Variants in AP1B1 observed in about 807,000 individuals in gnomAD.
AP1B1 encodes the protein adaptor related protein complex 1 subunit beta 1.
Under a neutral mutation model 104.3 loss-of-function variants are expected in AP1B1, and 36 were observed. The ratio of observed to expected loss-of-function variants is 0.35; its 90% CI spans 0.26 to 0.46. The LOEUF (loss-of-function observed/expected upper bound fraction) is 0.46, where lower values mean the gene tolerates loss of function less well. AP1B1 is among the 20% of genes least tolerant of loss of function. AP1B1 has a pLI of 1.00. For missense variants in AP1B1, 901 were observed against 1,247.9 expected (o/e 0.72, Z 4.19); for synonymous variants, 504 against 517.5 (o/e 0.97, Z 0.35).
At chr22:29,330,750 A>G (rs1296268786) in intron 19 of AP1B1, 41 bp from the exon 20 acceptor site, 1 of 1,559,880 alleles carries the variant, frequency 6.4e-7, no homozygotes, top group Non-Finnish European at 8.7e-7. Flanking sequence ...CGAGCCCCTC[A>G]TAAACCTGTG....
intron 16 of AP1B1, among the ~76,000 whole-genome samples, chr22:29,337,749 C>G (rs113875251): frequency 0.034 from 5,142 of 152,260 alleles, 272 homozygotes; most frequent in African/African-American, 0.12. Context: ...CCCTCAGCCC[C>G]GGCTCCTCCC....
intron 4 of AP1B1, 86 bp downstream of exon 4, chr22:29,359,738 T>A: frequency 2.0e-6 from 3 of 1,521,664 alleles, no homozygotes; most frequent in Non-Finnish European, 2.7e-6. Context: ...CTCCATCCAG[T>A]GCCACAGGGC....
At chr22:29,365,379 C>T (rs1324424661) in intron 2 of AP1B1, among the ~76,000 whole-genome samples, 1 of 152,150 alleles carries the variant, frequency 6.6e-6, no homozygotes, top group Non-Finnish European at 1.5e-5. Context: ...GGCATGGTGG[C>T]ACGTGCCTGT....
rs937313068 is a variant in AP1B1 at position 29,328,729 on chromosome 22, C to G, written c.*92G>C. 1.4e-5 allele frequency: 21 copies of G among 1,478,278 alleles called. No homozygotes were observed. In the African/African-American group the frequency reaches 2.8e-4, roughly 20 times the overall value. The allele number at this position is 1,478,278 out of a possible 1,614,324, so 91.6% of individuals were successfully genotyped here. On this transcript the variant is annotated 3_prime_UTR_variant, in exon 23 of 23. Transcript: ENST00000357586. This position sits in a 1 kb window ranked among gnomAD's most constrained non-coding sequence, Gnocchi z 4.1. The stretch of plus-strand genomic sequence containing the variant: ...CCCACTGAGTGGCCTGGAGCCCCGC[C>G]TGGTCCCTCCTGCGAGGAGGAAGAT...
At chr22:29,351,053 G>A (rs2061866332) in intron 9 of AP1B1, 118 bp downstream of exon 9, 6 of 947,094 alleles carry the variant, frequency 6.3e-6, no homozygotes, top group Non-Finnish European at 6.5e-6. Flanking sequence ...CTCCAGTGAT[G>A]AGCCTCAGGC....
intron 3 of AP1B1, among the ~76,000 whole-genome samples, chr22:29,360,672 G>A (rs2062031398): frequency 6.6e-6 from 1 of 152,196 alleles, no homozygotes; most frequent in Non-Finnish European, 1.5e-5. Flanking sequence ...GAACACTGAG[G>A]TTCATAAATG....
intron 1 of AP1B1, among the ~76,000 whole-genome samples, chr22:29,387,374 C>G (rs2062544356): frequency 6.8e-6 from 1 of 146,674 alleles, no homozygotes; most frequent in East Asian, 2.0e-4. Context: ...GTCGCACGAT[C>G]TCGGCTCACT....
At chr22:29,362,094 G>A (rs528069681) in intron 3 of AP1B1, among the ~76,000 whole-genome samples, 302 of 152,174 alleles carry the variant, frequency 2.0e-3, no homozygotes, top group Non-Finnish European at 3.6e-3. Flanking sequence ...ATCCGGCCTC[G>A]AATGGGTTTT....
chr22:29,361,945 C>G (rs550041526), intron 3 of AP1B1, among the ~76,000 whole-genome samples: 6 of 152,252 alleles, frequency 3.9e-5, no homozygotes, highest in South Asian at 2.1e-4. Context: ...AGGTGCCCAC[C>G]ACCACGCTTG....
intron 14 of AP1B1, among the ~76,000 whole-genome samples, chr22:29,340,207 G>A (rs373549376): frequency 1.3e-5 from 2 of 152,186 alleles, no homozygotes; most frequent in Admixed American, 6.5e-5. Context: ...CTCTCTCCCC[G>A]GCCTCCCATG....
At chr22:29,370,833 T>A (rs1333412732) in intron 1 of AP1B1, among the ~76,000 whole-genome samples, 8 of 152,126 alleles carry the variant, frequency 5.3e-5, no homozygotes, top group Admixed American at 5.2e-4. Flanking sequence ...CAGTCTTCCT[T>A]TTACAGGTGC....
rs190628393 is a variant in AP1B1, at chr22:29,383,035, T to A, written c.-28+5389A>T. Among the ~76,000 whole-genome samples the A allele has an allele frequency of 1.2e-4, 18 of 152,296 alleles. No individual in the cohort carries two copies. In the East Asian group the frequency reaches 1.3e-3, roughly 11 times the overall value. On this transcript the variant is annotated intron_variant, in intron 1 of 22. Coordinates refer to ENST00000357586, the MANE Select transcript of AP1B1 (RefSeq NM_001127.4). ...TTTTTTCTCTACTTCTTTGTCTCTC[T>A]CTCCCATTAAAATGAAGTAAGCAAC... is the stretch of plus-strand genomic sequence containing the variant.
intron 2 of AP1B1, among the ~76,000 whole-genome samples, chr22:29,364,265 T>C (rs1447770407): frequency 6.6e-6 from 1 of 152,160 alleles, no homozygotes; most frequent in East Asian, 1.9e-4. Context: ...AGCTGCTCCA[T>C]GAGAGCTCAA....
chr22:29,372,998 G>C (rs764962060), intron 1 of AP1B1, among the ~76,000 whole-genome samples: 14 of 152,202 alleles, frequency 9.2e-5, no homozygotes, highest in Non-Finnish European at 1.8e-4. Context: ...AAAATGGGGA[G>C]ATCAAGCCGG....
rs896218965 is a variant in AP1B1 at position 29,329,010 on chromosome 22, C to A, written c.2776-115G>T. 1.1e-5 allele frequency: 16 copies of A among 1,496,104 alleles called. No homozygotes were observed. In the African/African-American group the frequency reaches 1.9e-4, roughly 18 times the overall value. The allele number at this position is 1,496,104 out of a possible 1,614,324, so 92.7% of individuals were successfully genotyped here. ...ATGGGACAGCGTGGAGTGCACACAG[C>A]CTGGCGGCAGCTGCGCCTGGCACAG... On this transcript the variant is annotated intron_variant, in intron 22 of 22. Coordinates refer to ENST00000357586, the MANE Select transcript of AP1B1 (RefSeq NM_001127.4).
At chr22:29,387,289 A>G (rs2062541231) in intron 1 of AP1B1, among the ~76,000 whole-genome samples, 1 of 150,984 alleles carries the variant, frequency 6.6e-6, no homozygotes, top group South Asian at 2.1e-4. Flanking sequence ...AAATAAATAC[A>G]ACGGCAGCTA....
rs769108580 is a variant in AP1B1 at position 29,354,703 on chromosome 22, C to T, written c.885G>A (p.Glu295=). Residue 295 remains glutamate, a synonymous_variant, in exon 7 of 23, where the codon GAG becomes GAA. Transcript: ENST00000357586. ...APPLVTLLSA[E]PELQYVALRN... Reference sequence around the variant, plus strand: ...GCAGGGCCACATACTGCAGCTCTGGCTCGGCTGACAGCAGTGTGACCAGGG... The same window carrying T: ...GCAGGGCCACATACTGCAGCTCTGGTTCGGCTGACAGCAGTGTGACCAGGG... The T allele has an allele frequency of 2.4e-5, 39 of 1,613,986 alleles. No homozygotes were observed. The highest frequency in any genetic ancestry group is 3.3e-5 in the Non-Finnish European group (39 of 1,180,042).
At chr22:29,371,299 T>G (rs2062232950) in intron 1 of AP1B1, among the ~76,000 whole-genome samples, 1 of 152,216 alleles carries the variant, frequency 6.6e-6, no homozygotes, top group South Asian at 2.1e-4. Flanking sequence ...CTCAGACTCA[T>G]AGATGCCATG....
chr22:29,340,867 CACAGAAG>C lies in AP1B1; in HGVS notation c.1797-17_1797-11del. ...CTCTGCGCTCTCACTCCTGCCGGGA[CACAGAAG>C]TAGGGTGGAGGCATCAGGATGTCTC... On this transcript the variant is annotated splice_polypyrimidine_tract_variant and intron_variant, in intron 13 of 22. Coordinates refer to ENST00000357586, the MANE Select transcript of AP1B1 (RefSeq NM_001127.4). 1 of 1,585,082 alleles carries C rather than the reference CACAGAAG, an allele frequency of 6.3e-7. No individual in the cohort carries two copies. The highest frequency in any genetic ancestry group is 2.3e-5 in the East Asian group (1 of 44,056).
Sources: gnomAD v4.1 joint callset for allele counts (sites outside exome capture counted in the v4.1 genomes callset) on GRCh38, gnomAD v4.1.1 for gene constraint, Gnocchi (gnomAD v3.1) non-coding constraint, MANE v1.5 for transcripts, NCBI Gene and HGNC (gene_info 2026-07-23, HGNC 2026-07-21) for gene names.